USP36: variants seen among roughly 807,000 people sequenced by gnomAD.
USP36 encodes ubiquitin carboxyl-terminal hydrolase 36.
Under a neutral mutation model 111.5 loss-of-function variants are expected in USP36, and 59 were observed. The ratio of observed to expected loss-of-function variants is 0.53; its 90% confidence interval spans 0.43 to 0.66. USP36 has a LOEUF of 0.66. Ranked by LOEUF, USP36 falls within the 30% of genes least tolerant of loss-of-function variation. The probability of loss-of-function intolerance (pLI) is 0.00; values close to 1 mark genes in which losing one functional copy is unlikely to be tolerated. For missense variants in USP36, 1,488 were observed against 1,468.0 expected (o/e 1.01, Z -0.22); for synonymous variants, 628 against 581.0 (o/e 1.08, Z -1.16).
intron 18 of USP36, 136 bp downstream of exon 18, chr17:78,799,531 A>G: frequency 6.2e-5 from 45 of 722,904 alleles, no homozygotes; most frequent in Non-Finnish European, 9.5e-5. Context: ...CAGTGTTGAG[A>G]TTCCTCTTCC....
chr17:78,827,424 C>T, intron 5 of USP36, 77 bp from the exon 6 acceptor site: 1 of 1,418,266 alleles, frequency 7.1e-7, no homozygotes, highest in Non-Finnish European at 9.6e-7. Context: ...CCTGAATGGC[C>T]ATTCCTGGCT....
chr17:78,802,632 C>G, intron 16 of USP36, 97 bp from the exon 17 acceptor site: 1 of 1,218,662 alleles, frequency 8.2e-7, no homozygotes, highest in Non-Finnish European at 1.1e-6. Context: ...AGGTGCCACC[C>G]CAGCTGTGAC....
At chr17:78,838,472 G>A (rs933841936) in intron 2 of USP36, 115 bp downstream of exon 2, 1 of 150,156 alleles carries the variant, frequency 6.7e-6, no homozygotes, top group African/African-American at 2.5e-5. Flanking sequence ...GAAAATAAAA[G>A]AGCCTTTTCT....
downstream of USP36, among the ~76,000 whole-genome samples, chr17:78,791,366 G>A (rs555059729): frequency 5.3e-5 from 8 of 151,950 alleles, no homozygotes; most frequent in South Asian, 6.2e-4. Context: ...GATCCGCCCC[G>A]CCTAGGCCTC....
chr17:78,838,380 A>C lies in USP36; in HGVS notation c.-10+207T>G, dbSNP rs556963896. ...GAGCAAGACTTGGTCTCAAAAAAAA[A>C]AAAAAACAAAAAACAAAAAACTTCT... is the stretch of plus-strand genomic sequence containing the variant. On this transcript the variant is annotated intron_variant, in intron 2 of 20. Coordinates refer to ENST00000449938, the MANE Select transcript of USP36 (RefSeq NM_001385174.1). Among the ~76,000 whole-genome samples, 302 of 151,270 alleles carry C rather than the reference A, an allele frequency of 2.0e-3. 6 individuals are homozygous for C. The highest frequency in any genetic ancestry group is 1.9e-3 in the African/African-American group (80 of 41,086).
Position 78,836,221 on chromosome 17 carries a change from C to T in USP36, c.143G>A (p.Ser48Asn). ...TAAGGCCTCCAGCTGGTAGGAGAAG[C>T]TCTTGCTGGCTGGCTCGAACTCGAT... is the stretch of plus-strand genomic sequence containing the variant. ...QKIEFEPASK[S>N]FSYQLEALKS... is the part of the protein sequence containing the mutation. The change falls in exon 3 of 21, where the codon AGC becomes AAC. Residue 48 changes from serine to asparagine, a missense_variant. Transcript: ENST00000449938. 3.1e-6 allele frequency: 5 copies of T among 1,614,146 alleles called. No individual in the cohort carries two copies. Among genetic ancestry groups the T allele is most frequent in the Non-Finnish European group, 4.2e-6 (5 of 1,180,024 alleles).
intron 16 of USP36, 125 bp from the exon 17 acceptor site, chr17:78,802,660 C>T (rs2145007445): frequency 3.4e-6 from 3 of 887,420 alleles, no homozygotes; most frequent in East Asian, 5.3e-5. Flanking sequence ...ACGCAGGTCC[C>T]TGCAACATTC....
downstream of USP36, among the ~76,000 whole-genome samples, chr17:78,792,527 G>A (rs915030800): frequency 5.3e-5 from 8 of 152,124 alleles, no homozygotes; most frequent in Non-Finnish European, 1.0e-4. Context: ...CAGCAGCCCC[G>A]GGGACTATTG....
rs549069283 is a variant in USP36, at chr17:78,809,964, G to A, written c.1408-2328C>T. 7.7e-4 allele frequency among the ~76,000 whole-genome samples: 116 copies of A among 150,242 alleles called. 1 individual carries two copies. Among genetic ancestry groups the A allele is most frequent in the East Asian group, 2.4e-3 (12 of 5,028 alleles). On this transcript the variant is annotated intron_variant, in intron 13 of 20. Coordinates refer to ENST00000449938, the MANE Select transcript of USP36 (RefSeq NM_001385174.1). ...CGGGTTCAAGCGATTCTCCTACCTC[G>A]GCCTCTCGAATAGCTGGGATTACAG... is the stretch of plus-strand genomic sequence containing the variant.
At chr17:78,822,080 C>A in intron 6 of USP36, 76 bp from the exon 7 acceptor site, 1 of 1,539,320 alleles carries the variant, frequency 6.5e-7, no homozygotes, top group South Asian at 1.1e-5. Flanking sequence ...CCAGCAGCCC[C>A]ATGCCCACCA....
At chr17:78,824,917 A>T (rs2067398717) in intron 6 of USP36, among the ~76,000 whole-genome samples, 1 of 152,238 alleles carries the variant, frequency 6.6e-6, no homozygotes, top group South Asian at 2.1e-4. Context: ...ACTCCACGTG[A>T]CAAGTGAAGA....
chr17:78,790,353 C>T (rs775093635), intron 3 of USP36, among the ~76,000 whole-genome samples: 54 of 152,216 alleles, frequency 3.5e-4, no homozygotes, highest in Non-Finnish European at 4.9e-4. Context: ...CACAATGGCG[C>T]GGTCTCAGCT....
rs2093620630 is a variant in USP36, at chr17:78,795,810, G to A, written c.*2090C>T. 6.6e-6 allele frequency: 1 copy of A among 152,266 alleles called. No individual in the cohort carries two copies. Among genetic ancestry groups the A allele is most frequent in the Non-Finnish European group, 1.5e-5 (1 of 68,148 alleles). 9.4% of individuals were successfully genotyped at this position (152,266 alleles called of 1,614,324 possible). A position where few individuals can be genotyped will look rare whatever the true frequency, so the allele number is the denominator to read the frequency against. Reference sequence around the variant, plus strand: ...CGGGGCAGGCAAGTGAGAGGACCTGGGAGAGGTAGCTGCTGTACACAGGCC... The same window carrying A: ...CGGGGCAGGCAAGTGAGAGGACCTGAGAGAGGTAGCTGCTGTACACAGGCC... On this transcript the variant is annotated 3_prime_UTR_variant, in exon 21 of 21. Coordinates refer to ENST00000449938, the MANE Select transcript of USP36 (RefSeq NM_001385174.1). This position sits in a 1 kb window ranked among gnomAD's most constrained non-coding sequence, Gnocchi z 4.5.
rs1235084602 is a variant in USP36 at position 78,806,149 on chromosome 17, A to G, written c.2216+7T>C. On this transcript the variant is annotated splice_region_variant and intron_variant, in intron 15 of 20. Transcript: ENST00000449938. ...TGGCACCCAGAAGATCCCGGCCCAA[A>G]GCTTACCTGGCTCTATGGACGGGCC... 1 of 1,613,162 alleles carries G rather than the reference A, an allele frequency of 6.2e-7. No individual in the cohort carries two copies. The highest frequency in any genetic ancestry group is 1.1e-5 in the South Asian group (1 of 91,016).
At chr17:78,821,832 C>G (rs1446602722) in intron 7 of USP36, 105 bp downstream of exon 7, 2 of 1,319,316 alleles carry the variant, frequency 1.5e-6, no homozygotes, top group Non-Finnish European at 2.2e-6. Context: ...TGACCCAGGT[C>G]TGCACAGCGA....
At chr17:78,809,238 T>C (rs1322452364) in intron 13 of USP36, among the ~76,000 whole-genome samples, 1 of 152,264 alleles carries the variant, frequency 6.6e-6, no homozygotes, top group Non-Finnish European at 1.5e-5. Context: ...ATAATTCTTC[T>C]ACATTTTATC....
At chr17:78,832,326 G>A (rs1268440571) in intron 4 of USP36, among the ~76,000 whole-genome samples, 1 of 152,208 alleles carries the variant, frequency 6.6e-6, no homozygotes, top group Non-Finnish European at 1.5e-5. Flanking sequence ...AATGCCATGT[G>A]CTAGGAGGGG....
intron 10 of USP36, among the ~76,000 whole-genome samples, chr17:78,818,409 C>T (rs1440237785): frequency 2.0e-5 from 3 of 152,220 alleles, no homozygotes; most frequent in African/African-American, 2.4e-5. Context: ...GATTCAAATT[C>T]ACTGGCACTG....
chr17:78,809,822 A>C (rs1038739392), intron 13 of USP36, among the ~76,000 whole-genome samples: 1 of 151,740 alleles, frequency 6.6e-6, no homozygotes, highest in African/African-American at 2.4e-5. Flanking sequence ...GGGGTTTTGG[A>C]GATGGGGGTC....
Sources: gnomAD v4.1 joint callset for allele counts (sites outside exome capture counted in the v4.1 genomes callset) on GRCh38, gnomAD v4.1.1 for gene constraint, Gnocchi (gnomAD v3.1) non-coding constraint, MANE v1.5 for transcripts, NCBI Gene and HGNC (gene_info 2026-07-23, HGNC 2026-07-21) for gene names.